The following DCDC1 variants were observed in gnomAD, a reference collection of about 807,000 sequenced individuals.
The protein encoded by DCDC1 is doublecortin domain containing 1, also known as doublecortin domain-containing protein 1.
A neutral mutation model predicts 178.3 loss-of-function variants in DCDC1; 200 were observed. That is an observed-to-expected ratio of 1.12 (90% CI 1.00 to 1.26). DCDC1 has a LOEUF of 1.26. Among genes scored for constraint, DCDC1 ranks in the 50% most tolerant of loss-of-function variants. DCDC1 has a pLI of 0.00. For synonymous variants in DCDC1, 690 were observed against 604.8 expected (o/e 1.14, Z -2.07); for missense variants, 1,983 against 1,749.2 (o/e 1.13, Z -2.38).
chr11:30,997,687 G>GA (rs35650911), intron 20 of DCDC1, among the ~76,000 whole-genome samples: 1 of 152,104 alleles, frequency 6.6e-6, no homozygotes, highest in Non-Finnish European at 1.5e-5. Context: ...CGCTATCAGA[G>GA]AAAAAAGTTA....
chr11:30,969,081 G>T (rs1949634583), intron 20 of DCDC1, among the ~76,000 whole-genome samples: 1 of 151,574 alleles, frequency 6.6e-6, no homozygotes, highest in Non-Finnish European at 1.5e-5. Flanking sequence ...GCCACTGCAA[G>T]ATTTACAAAA....
chr11:31,334,777 C>T (rs1207292149), intron 2 of DCDC1, among the ~76,000 whole-genome samples: 4 of 152,142 alleles, frequency 2.6e-5, no homozygotes, highest in African/African-American at 4.8e-5. Context: ...CTGGAAACTT[C>T]GTCCCAGAGG....
intron 2 of DCDC1, among the ~76,000 whole-genome samples, chr11:31,329,737 T>C (rs1949862035): frequency 6.6e-6 from 1 of 152,354 alleles, no homozygotes; most frequent in South Asian, 2.1e-4. Flanking sequence ...ACTCATCCTT[T>C]TTTATGGCTG....
intron 37 of DCDC1, 77 bp downstream of exon 37, chr11:30,881,081 G>T: frequency 6.6e-7 from 1 of 1,504,062 alleles, no homozygotes; most frequent in Non-Finnish European, 9.1e-7. Context: ...ATTGTGATGG[G>T]ATATAAGCTC....
At chr11:31,080,791 T>C (rs541357761) in intron 17 of DCDC1, among the ~76,000 whole-genome samples, 1 of 152,356 alleles carries the variant, frequency 6.6e-6, no homozygotes, top group South Asian at 2.1e-4. Flanking sequence ...TGCAGCTTCA[T>C]TGCTTACAAG....
At chr11:31,290,142 A>T (rs192030329) in intron 7 of DCDC1, among the ~76,000 whole-genome samples, 95 of 152,040 alleles carry the variant, frequency 6.2e-4, no homozygotes, top group African/African-American at 2.0e-3. Context: ...TTGTTTCATG[A>T]TTTTTCTTAG....
intron 1 of DCDC1, among the ~76,000 whole-genome samples, chr11:31,339,975 T>A (rs1950459878): frequency 1.3e-5 from 2 of 152,114 alleles, no homozygotes; most frequent in Admixed American, 1.3e-4. Flanking sequence ...CACCAAAGAT[T>A]TACTCTTTGA....
At chr11:30,898,282 C>A (rs779573462) in intron 34 of DCDC1, among the ~76,000 whole-genome samples, 1 of 152,092 alleles carries the variant, frequency 6.6e-6, no homozygotes, top group Non-Finnish European at 1.5e-5. Context: ...CAGAATGTCA[C>A]CATTATTTCT....
intron 20 of DCDC1, among the ~76,000 whole-genome samples, chr11:31,022,466 C>A (rs1422307812): frequency 6.6e-6 from 1 of 151,866 alleles, no homozygotes; most frequent in East Asian, 1.9e-4. Flanking sequence ...TATTCTATTT[C>A]CACATGAGGT....
intron 31 of DCDC1, chr11:30,904,070 G>A (rs1168294928): frequency 1.3e-5 from 2 of 153,690 alleles, no homozygotes; most frequent in Non-Finnish European, 2.9e-5. Flanking sequence ...AAATAAGTAA[G>A]TAGTTAACCT....
chr11:31,280,745 AT>A, intron 7 of DCDC1: 1 of 594,502 alleles, frequency 1.7e-6, no homozygotes, highest in East Asian at 4.0e-5. Context: ...GGCAAAGATC[AT>A]TTTTATTCTA....
At position 31,041,697 on chromosome 11, in the gene DCDC1, C is replaced by T. The variant is rs146578274; in HGVS notation, c.2591+22772G>A. The stretch of plus-strand genomic sequence containing the variant: ...ACAACTATCAACTGAGGAATTATAC[C>T]TCATATGGCAGAAGGGGCAACTGAA... On this transcript the variant is annotated intron_variant, in intron 20 of 38. Transcript: ENST00000684477. Among the ~76,000 whole-genome samples the T allele has an allele frequency of 5.6e-3, 855 of 152,102 alleles. 11 individuals are homozygous for T. Among genetic ancestry groups the T allele is most frequent in the African/African-American group, 0.019 (807 of 41,490 alleles).
intron 8 of DCDC1, among the ~76,000 whole-genome samples, chr11:31,257,322 A>T (rs1177304755): frequency 6.6e-6 from 1 of 152,192 alleles, no homozygotes; most frequent in African/African-American, 2.4e-5. Flanking sequence ...AACCTCTATC[A>T]ATCAAAGTAG....
At chr11:30,993,361 T>C (rs1951088747) in intron 20 of DCDC1, among the ~76,000 whole-genome samples, 3 of 152,194 alleles carry the variant, frequency 2.0e-5, no homozygotes, top group Middle Eastern at 3.4e-3. Flanking sequence ...CATTAAATTT[T>C]ATATTACTAA....
chr11:31,080,017 C>A (rs763843923), intron 17 of DCDC1, among the ~76,000 whole-genome samples: 1 of 152,116 alleles, frequency 6.6e-6, no homozygotes, highest in African/African-American at 2.4e-5. Flanking sequence ...GGATCCCATT[C>A]TAAGGCTTTG....
At chr11:31,292,788 A>G (rs1297241609) in intron 6 of DCDC1, among the ~76,000 whole-genome samples, 1 of 152,148 alleles carries the variant, frequency 6.6e-6, no homozygotes, top group Non-Finnish European at 1.5e-5. Flanking sequence ...AATAAAGAAG[A>G]AAAAAAGAAG....
At chr11:31,163,372 A>G (rs575407837) in intron 9 of DCDC1, among the ~76,000 whole-genome samples, 2 of 152,198 alleles carry the variant, frequency 1.3e-5, no homozygotes, top group South Asian at 4.1e-4. Flanking sequence ...ATTAGCAGTC[A>G]TGAATGACCA....
At chr11:31,212,433 T>C (rs1972674842) in intron 9 of DCDC1, among the ~76,000 whole-genome samples, 1 of 152,124 alleles carries the variant, frequency 6.6e-6, no homozygotes, top group Non-Finnish European at 1.5e-5. Context: ...ATTACATTTT[T>C]ATATAACAGG....
intron 8 of DCDC1, among the ~76,000 whole-genome samples, chr11:31,250,415 C>CACACACACACACACACACATAT (rs1223526182): frequency 1.4e-5 from 1 of 73,666 alleles, no homozygotes; most frequent in Non-Finnish European, 2.8e-5. Context: ...CACACACACA[C>CACACACACACACACACACATAT]ATATACATAT....
Sources: gnomAD v4.1 joint callset for allele counts (sites outside exome capture counted in the v4.1 genomes callset) on GRCh38, gnomAD v4.1.1 for gene constraint, MANE v1.5 for transcripts, NCBI Gene and HGNC (gene_info 2026-07-23, HGNC 2026-07-21) for gene names.